Variants in MOSMO observed in about 807,000 individuals in gnomAD.
The protein encoded by MOSMO is modulator of smoothened protein.
Under a neutral mutation model 18.4 loss-of-function variants are expected in MOSMO, and 5 were observed. That is an observed-to-expected ratio of 0.27 (90% CI 0.14 to 0.57). MOSMO has a LOEUF of 0.57. Ranked by LOEUF, MOSMO falls within the 20% of genes least tolerant of loss-of-function variation. MOSMO has a pLI of 0.92. For missense variants in MOSMO, 138 were observed against 211.8 expected, an observed-to-expected ratio of 0.65 and a Z score of 2.16; for synonymous variants, 82 against 82.3, an observed-to-expected ratio of 1.00 and a Z score of 0.02.
chr16:22,071,494 C>T (rs567816480), intron 1 of MOSMO, among the ~76,000 whole-genome samples: 29 of 152,142 alleles, frequency 1.9e-4, no homozygotes, highest in Non-Finnish European at 3.7e-4. Context: ...TATAATCATC[C>T]TCACTGTGGC....
intron 1 of MOSMO, among the ~76,000 whole-genome samples, chr16:22,058,718 G>T (rs1425807751): frequency 6.6e-6 from 1 of 152,186 alleles, no homozygotes. Flanking sequence ...TTAAATGGAG[G>T]ATAAGTTCGT....
chr16:22,038,129 G>T (rs1900142834), intron 1 of MOSMO, among the ~76,000 whole-genome samples: 1 of 152,142 alleles, frequency 6.6e-6, no homozygotes, highest in South Asian at 2.1e-4. Flanking sequence ...GAAATCCCAG[G>T]GATCTCAGGG....
chr16:22,032,571 G>A (rs1350144092), intron 1 of MOSMO, among the ~76,000 whole-genome samples: 1 of 152,014 alleles, frequency 6.6e-6, no homozygotes, highest in East Asian at 1.9e-4. Context: ...TTTGAGACTA[G>A]GTATCACTCT....
intron 1 of MOSMO, among the ~76,000 whole-genome samples, chr16:22,047,247 T>TTA (rs1900328777): frequency 6.9e-6 from 1 of 145,144 alleles, no homozygotes; most frequent in South Asian, 2.2e-4. Context: ...AATTTTTTTT[T>TTA]TTTTTTTTTT....
chr16:22,050,702 G>A (rs1188353615), intron 1 of MOSMO, among the ~76,000 whole-genome samples: 8 of 151,740 alleles, frequency 5.3e-5, no homozygotes, highest in African/African-American at 1.7e-4. Context: ...TCATCATAGG[G>A]GGACCCCATC....
At chr16:22,029,985 C>G (rs1430458498) in intron 1 of MOSMO, among the ~76,000 whole-genome samples, 1 of 152,172 alleles carries the variant, frequency 6.6e-6, no homozygotes, top group Non-Finnish European at 1.5e-5. Context: ...ATAATAGTCT[C>G]AAAATATTGT....
downstream of MOSMO, among the ~76,000 whole-genome samples, chr16:22,090,832 C>T (rs1172468119): frequency 1.3e-5 from 2 of 152,192 alleles, no homozygotes; most frequent in Admixed American, 6.5e-5. Context: ...ATGAGTCATA[C>T]AGTCTGAAAG....
At chr16:22,038,620 G>T (rs1900153297) in intron 1 of MOSMO, among the ~76,000 whole-genome samples, 1 of 152,136 alleles carries the variant, frequency 6.6e-6, no homozygotes, top group South Asian at 2.1e-4. Context: ...AACAAGAAGG[G>T]TCACTTGCTA....
At chr16:22,024,946 T>A (rs992218496) in intron 1 of MOSMO, among the ~76,000 whole-genome samples, 2 of 152,028 alleles carry the variant, frequency 1.3e-5, no homozygotes. Context: ...GCCCAGGAGT[T>A]TGAGACCAAC....
At chr16:22,034,102 C>T (rs1486254636) in intron 1 of MOSMO, among the ~76,000 whole-genome samples, 1 of 152,210 alleles carries the variant, frequency 6.6e-6, no homozygotes, top group Non-Finnish European at 1.5e-5. Context: ...CACTATACCA[C>T]TTAACAAGTA....
chr16:22,023,943 T>G (rs1286513129), intron 1 of MOSMO, among the ~76,000 whole-genome samples: 2 of 150,334 alleles, frequency 1.3e-5, no homozygotes, highest in Non-Finnish European at 2.9e-5. Context: ...GTGATTCTGC[T>G]TTGTTGATGG....
At chr16:22,020,210 A>G (rs1198930519) in intron 1 of MOSMO, among the ~76,000 whole-genome samples, 1 of 149,168 alleles carries the variant, frequency 6.7e-6, no homozygotes, top group East Asian at 2.0e-4. Context: ...CGAAAACTCC[A>G]TCTCCAAAAA....
At position 22,073,613 on chromosome 16, in the gene MOSMO, G is replaced by C. The variant is rs552493280; in HGVS notation, c.107-1874G>C. On this transcript the variant is annotated intron_variant, in intron 1 of 2. Transcript: ENST00000542527. ...TTTAAGAACAGTCATGCAATTCCCT[G>C]GTGCCTACTCACCTCTACCAAATCC... 4.0e-5 allele frequency among the ~76,000 whole-genome samples: 6 copies of C among 151,162 alleles called. No homozygotes were observed. The South Asian group carries it at 1.3e-3, about 32-fold the overall frequency.
At chr16:22,092,292 G>C (rs1901355099), downstream of MOSMO, 1 of 254,460 alleles carries the variant, frequency 3.9e-6, no homozygotes, top group Non-Finnish European at 7.8e-6. Context: ...GGGCTGTACT[G>C]GCCTAAACCA....
chr16:22,010,900 G>A (rs564676066), intron 1 of MOSMO, among the ~76,000 whole-genome samples: 3 of 149,600 alleles, frequency 2.0e-5, no homozygotes, highest in Non-Finnish European at 4.4e-5. Context: ...TGGCCTGGGC[G>A]ACAGAATGGT....
intron 2 of MOSMO, among the ~76,000 whole-genome samples, chr16:22,077,714 C>T (rs1900997667): frequency 6.6e-6 from 1 of 152,090 alleles, no homozygotes; most frequent in Non-Finnish European, 1.5e-5. Context: ...GACAGCCCCA[C>T]CGAGGACCTC....
intron 2 of MOSMO, among the ~76,000 whole-genome samples, chr16:22,080,391 A>T (rs1901055488): frequency 6.6e-6 from 1 of 152,156 alleles, no homozygotes; most frequent in Non-Finnish European, 1.5e-5. Context: ...TAGTGCCCTT[A>T]ATTACTATTG....
downstream of MOSMO, chr16:22,086,957 C>T (rs1478150439): frequency 6.6e-6 from 1 of 152,142 alleles, no homozygotes; most frequent in Non-Finnish European, 1.5e-5. Flanking sequence ...TGAACTTCCT[C>T]CTGAAGGCAG....
intron 1 of MOSMO, among the ~76,000 whole-genome samples, chr16:22,009,248 C>T (rs1899465094): frequency 6.6e-6 from 1 of 152,154 alleles, no homozygotes; most frequent in South Asian, 2.1e-4. Context: ...ATCACAAAAA[C>T]GCTGGAGAGC....
Sources: allele counts gnomAD v4.1 joint callset (sites outside exome capture counted in the v4.1 genomes callset), GRCh38; gene constraint gnomAD v4.1.1; transcripts MANE v1.5; gene names NCBI Gene and HGNC (gene_info 2026-07-23, HGNC 2026-07-21).